Variants in ALK observed in about 807,000 individuals in gnomAD.
ALK encodes the protein ALK tyrosine kinase receptor.
ALK carries 74 observed loss-of-function variants against 163.1 expected under a neutral mutation model. That is an observed-to-expected ratio of 0.45 (90% CI 0.38 to 0.55). The LOEUF (loss-of-function observed/expected upper bound fraction) is 0.55, where lower values mean the gene tolerates loss of function less well. ALK is among the 20% of genes least tolerant of loss of function. ALK has a pLI of 0.00. For missense variants in ALK, 2,063 were observed against 2,105.3 expected, an observed-to-expected ratio of 0.98 and a Z score of 0.39; for synonymous variants, 960 against 843.2, an observed-to-expected ratio of 1.14 and a Z score of -2.40.
chr2:29,193,759 G>A lies in ALK; in HGVS notation c.4328C>T (p.Pro1443Leu), dbSNP rs780446448. 1 of 1,597,058 alleles carries A rather than the reference G, an allele frequency of 6.3e-7. No homozygotes were observed. Among genetic ancestry groups the A allele is most frequent in the Non-Finnish European group, 8.5e-7 (1 of 1,170,642 alleles). Reference sequence around the variant, plus strand: ...CTTGCCAGAGGAGGTGGTAGGCAGAGGTGGTGGGGCAGCTGGGCTGCGCTC... The same window carrying A: ...CTTGCCAGAGGAGGTGGTAGGCAGAAGTGGTGGGGCAGCTGGGCTGCGCTC... Reference protein sequence around the residue: ...EEERSPAAPPPLPTTSSGKAA... With the variant: ...EEERSPAAPPLLPTTSSGKAA... The change falls in exon 29 of 29, where the codon CCT (proline) becomes CTT (leucine). Residue 1443 changes from proline to leucine, a missense_variant. By Grantham distance (98) the Pro-to-Leu change is moderately conservative. Around this residue, in one of 5 missense-constraint regions of ALK, gnomAD observed 403 missense variants for 366.2 expected, o/e 1.10. Coordinates refer to ENST00000389048, the MANE Select transcript of ALK (RefSeq NM_004304.5).
At chr2:29,380,598 T>C (rs971995523) in intron 5 of ALK, among the ~76,000 whole-genome samples, 4 of 152,090 alleles carry the variant, frequency 2.6e-5, no homozygotes, top group African/African-American at 9.7e-5. Context: ...TTTGTTTGTT[T>C]GTTTTTTGTT....
intron 4 of ALK, among the ~76,000 whole-genome samples, chr2:29,406,697 C>T (rs1365378059): frequency 3.3e-5 from 5 of 152,008 alleles, no homozygotes; most frequent in Non-Finnish European, 5.9e-5. Flanking sequence ...ATCAGGAGAT[C>T]GAGACCATCC....
At chr2:29,733,940 T>G (rs1679818274) in intron 1 of ALK, among the ~76,000 whole-genome samples, 1 of 152,124 alleles carries the variant, frequency 6.6e-6, no homozygotes, top group Admixed American at 6.5e-5. Flanking sequence ...AGACCACCAC[T>G]GATCAACATC....
intron 4 of ALK, among the ~76,000 whole-genome samples, chr2:29,450,882 G>A (rs1670803171): frequency 6.6e-6 from 1 of 152,120 alleles, no homozygotes. Flanking sequence ...TTAAAAAACA[G>A]ATTCCTAGGC....
Position 29,380,307 on chromosome 2 carries a change from T to C in ALK, c.1282+3425A>G, listed in dbSNP as rs1350165998. Among the ~76,000 whole-genome samples, 3 of 152,014 alleles carry C rather than the reference T, an allele frequency of 2.0e-5. No homozygotes were observed. The East Asian group carries it at 5.8e-4, about 29-fold the overall frequency. ...TTTTAGTAGAGACGGGGTTTCACCATGTTGGCCAGGATGGTCTTGATCTCT... is the reference window on the plus strand; with the variant it reads ...TTTTAGTAGAGACGGGGTTTCACCACGTTGGCCAGGATGGTCTTGATCTCT... On this transcript the variant is annotated intron_variant, in intron 5 of 28. Transcript: ENST00000389048.
At chr2:29,488,567 A>G (rs763158529) in intron 4 of ALK, among the ~76,000 whole-genome samples, 4 of 152,198 alleles carry the variant, frequency 2.6e-5, no homozygotes, top group Non-Finnish European at 4.4e-5. Flanking sequence ...GTCATATTTC[A>G]TAAATTTCAC....
intron 11 of ALK, among the ~76,000 whole-genome samples, chr2:29,261,098 G>A (rs1378808425): frequency 2.0e-5 from 3 of 152,104 alleles, no homozygotes; most frequent in Non-Finnish European, 4.4e-5. Flanking sequence ...GGGCAAAGCC[G>A]CTCCCACTTT....
intron 5 of ALK, among the ~76,000 whole-genome samples, chr2:29,360,191 G>A (rs1457372892): frequency 6.6e-6 from 1 of 152,046 alleles, no homozygotes; most frequent in East Asian, 1.9e-4. Context: ...TCTTCCTAAG[G>A]GCCAAGATTG....
At chr2:29,536,030 ATCATTTGTTTC>A (rs1388465056) in intron 3 of ALK, among the ~76,000 whole-genome samples, 3 of 152,122 alleles carry the variant, frequency 2.0e-5, no homozygotes, top group Admixed American at 6.5e-5. Flanking sequence ...CTGTACTAGC[ATCATTTGTTTC>A]TTAGATGCTT....
At chr2:29,262,367 T>C (rs1665109799) in intron 11 of ALK, among the ~76,000 whole-genome samples, 1 of 152,238 alleles carries the variant, frequency 6.6e-6, no homozygotes, top group Admixed American at 6.5e-5. Context: ...TGTGTGCTTA[T>C]ACACATACAT....
intron 15 of ALK, among the ~76,000 whole-genome samples, chr2:29,229,649 G>T (rs930085397): frequency 6.6e-6 from 1 of 152,194 alleles, no homozygotes; most frequent in Non-Finnish European, 1.5e-5. Context: ...GTGGCTTGGG[G>T]ATAATAAGAC....
At chr2:29,253,095 C>T (rs553997213) in intron 11 of ALK, among the ~76,000 whole-genome samples, 9 of 152,082 alleles carry the variant, frequency 5.9e-5, no homozygotes, top group African/African-American at 1.7e-4. Flanking sequence ...TGAGCTCAAG[C>T]GATCCTCCTG....
intron 4 of ALK, among the ~76,000 whole-genome samples, chr2:29,422,089 C>A (rs928864071): frequency 2.0e-5 from 3 of 151,352 alleles, no homozygotes; most frequent in African/African-American, 7.4e-5. Flanking sequence ...CGAGGGGAGG[C>A]AAAGGAATCA....
intron 5 of ALK, among the ~76,000 whole-genome samples, chr2:29,369,723 G>A (rs947113858): frequency 1.1e-4 from 17 of 152,244 alleles, no homozygotes; most frequent in East Asian, 3.9e-4. Context: ...GTGTGGAGAG[G>A]CACACAGAAG....
intron 1 of ALK, among the ~76,000 whole-genome samples, chr2:29,783,651 T>C (rs1663909815): frequency 6.6e-6 from 1 of 152,214 alleles, no homozygotes; most frequent in East Asian, 1.9e-4. Context: ...AGTTTTGCTG[T>C]CCCAGGAGAG....
chr2:29,372,554 T>A (rs1034979117), intron 5 of ALK, among the ~76,000 whole-genome samples: 3 of 152,224 alleles, frequency 2.0e-5, no homozygotes, highest in Non-Finnish European at 4.4e-5. Flanking sequence ...TTCCAGGCAC[T>A]GTGTCAGGTG....
chr2:29,849,218 G>C (rs1209264231), intron 1 of ALK, among the ~76,000 whole-genome samples: 2 of 152,192 alleles, frequency 1.3e-5, no homozygotes, highest in African/African-American at 4.8e-5. Context: ...ACTGTCTGCT[G>C]TCCCTTCTGT....
chr2:29,653,440 CACT>C (rs1404616872), intron 3 of ALK, among the ~76,000 whole-genome samples: 4 of 152,134 alleles, frequency 2.6e-5, no homozygotes, highest in Admixed American at 2.6e-4. Context: ...AGAAGCTCCT[CACT>C]GAGAAACTGT....
chr2:29,501,473 A>G (rs990939007), intron 4 of ALK, among the ~76,000 whole-genome samples: 45 of 152,130 alleles, frequency 3.0e-4, no homozygotes, highest in African/African-American at 1.1e-3. Flanking sequence ...GCTCCTGCAA[A>G]TTCTCACCAC....
Sources: allele counts gnomAD v4.1 joint callset (sites outside exome capture counted in the v4.1 genomes callset), GRCh38; gene constraint gnomAD v4.1.1; regional missense constraint gnomAD v4.1.1; transcripts MANE v1.5; gene names NCBI Gene and HGNC (gene_info 2026-07-23, HGNC 2026-07-21).